Variants in ITPRID2 observed in about 807,000 individuals in gnomAD.
ITPRID2 encodes the protein ITPR interacting domain containing 2, also known as protein ITPRID2.
ITPRID2 carries 60 observed loss-of-function variants against 124.3 expected under a neutral mutation model. The observed-to-expected ratio is 0.48, with a 90% CI of 0.39 to 0.60. The LOEUF (loss-of-function observed/expected upper bound fraction) is 0.60, where lower values mean the gene tolerates loss of function less well. ITPRID2 is among the 20% of genes least tolerant of loss of function. The pLI is 0.00. For synonymous variants in ITPRID2, 521 were observed against 542.9 expected (o/e 0.96, Z 0.56); for missense variants, 1,553 against 1,512.2 (o/e 1.03, Z -0.45).
intron 16 of ITPRID2, among the ~76,000 whole-genome samples, chr2:181,927,775 A>G (rs75770388): frequency 0.01 from 1,539 of 152,332 alleles, 57 homozygotes; most frequent in East Asian, 0.071. Context: ...CAGCAATGAG[A>G]GCACTTGTGT....
intron 6 of ITPRID2, 50 bp from the exon 7 acceptor site, chr2:181,900,646 C>G: frequency 7.6e-7 from 1 of 1,317,712 alleles, no homozygotes; most frequent in Non-Finnish European, 1.1e-6. Context: ...TGTGGACTAT[C>G]AATTTATTTT....
chr2:181,907,108 G>GTAACC lies in ITPRID2; in HGVS notation c.1414-2791_1414-2790insTAACC, dbSNP rs1354842443. ...AGTCTCTTTTTAAACTTTAGAGGAA[G>GTAACC]GGTTATTTGAGTTAGAACATCCATG... On this transcript the variant is annotated intron_variant, in intron 8 of 17. Coordinates refer to ENST00000431877, the MANE Select transcript of ITPRID2 (RefSeq NM_001130445.3). The surrounding 1 kb of genome is among the most constrained non-coding windows in gnomAD (Gnocchi z 5.1). 1.3e-5 allele frequency among the ~76,000 whole-genome samples: 2 copies of GTAACC among 152,154 alleles called. No homozygotes were observed. The highest frequency in any genetic ancestry group is 2.9e-5 in the Non-Finnish European group (2 of 68,032).
In ITPRID2 at chr2:181,919,369, G is replaced by T; in HGVS notation, c.3067G>T (p.Glu1023Ter). 1 of 1,614,090 alleles carries T rather than the reference G, an allele frequency of 6.2e-7. No individual in the cohort carries two copies. The change falls in exon 14 of 18, where the codon GAG becomes TAG. Residue 1023 changes from glutamate to a stop codon, truncating the protein, a stop_gained. Coordinates refer to ENST00000431877, the MANE Select transcript of ITPRID2 (RefSeq NM_001130445.3). LOFTEE classifies it high-confidence loss of function. This position sits in a 1 kb window ranked among gnomAD's most constrained non-coding sequence, Gnocchi z 4.2. ...MELQDLELQL[E>*]ERLLGLEEQL... ...ACTTCAGGACCTGGAACTGCAGCTG[G>T]AGGAGCGCCTGCTGGGCCTGGAGGA...
chr2:181,928,028 C>G (rs1694990705), intron 16 of ITPRID2, 133 bp from the exon 17 acceptor site: 1 of 611,964 alleles, frequency 1.6e-6, no homozygotes, highest in Non-Finnish European at 2.9e-6. Context: ...CCCACTCCCT[C>G]TCTGTATTGC....
chr2:181,929,275 A>G (rs770473118), intron 17 of ITPRID2, among the ~76,000 whole-genome samples: 1 of 151,978 alleles, frequency 6.6e-6, no homozygotes, highest in Non-Finnish European at 1.5e-5. Context: ...ATATTCATTG[A>G]ATAAGACATG....
At position 181,929,884 on chromosome 2, in the gene ITPRID2, A is replaced by G. The variant is rs1320152373; in HGVS notation, c.*337A>G. The G allele has an allele frequency of 3.2e-6, 1 of 307,954 alleles. No individual in the cohort carries two copies. The highest frequency in any genetic ancestry group is 2.2e-5 in the African/African-American group (1 of 46,388). 19.1% of individuals were successfully genotyped at this position (307,954 alleles called of 1,614,324 possible). A position where few individuals can be genotyped will look rare whatever the true frequency, so the allele number is the denominator to read the frequency against. On this transcript the variant is annotated 3_prime_UTR_variant, in exon 18 of 18. Transcript: ENST00000431877. ...CAGACTTATCCAACTTATAAATAAC[A>G]TATTTCTTCAGACTAACATCTTAAA...
intron 8 of ITPRID2, among the ~76,000 whole-genome samples, chr2:181,909,124 AACT>A (rs1693396072): frequency 6.6e-6 from 1 of 152,214 alleles, no homozygotes. Context: ...ACAAAAAGAC[AACT>A]AAGTTTGATA....
In ITPRID2 at chr2:181,920,616, G is replaced by A. The variant is rs1694412926; in HGVS notation, c.3164G>A (p.Ser1055Asn). 1.9e-6 allele frequency: 3 copies of A among 1,613,358 alleles called. No homozygotes were observed. The African/African-American group carries it at 4.0e-5, about 22-fold the overall frequency. The change falls in exon 15 of 18, where the codon AGC becomes AAC. Residue 1055 changes from serine to asparagine, a missense_variant. Coordinates refer to ENST00000431877, the MANE Select transcript of ITPRID2 (RefSeq NM_001130445.3). ...SALMGMCGSR[S>N]ADNLSCPSPL... Reference sequence around the variant, plus strand: ...TTTCAGGGAATGTGTGGCAGTAGAAGCGCTGATAACTTGTCATGCCCTTCT... The same window carrying A: ...TTTCAGGGAATGTGTGGCAGTAGAAACGCTGATAACTTGTCATGCCCTTCT...
intron 2 of ITPRID2, chr2:181,893,323 C>A (rs1469004084): frequency 1.3e-5 from 2 of 152,212 alleles, no homozygotes; most frequent in Non-Finnish European, 2.9e-5. Context: ...CTGACTACAG[C>A]AAAATGTACT....
At position 181,899,044 on chromosome 2, in the gene ITPRID2, A is replaced by G; in HGVS notation, c.435A>G (p.Leu145=). 2.5e-6 allele frequency: 4 copies of G among 1,612,024 alleles called. No individual in the cohort carries two copies. The highest frequency in any genetic ancestry group is 3.4e-6 in the Non-Finnish European group (4 of 1,179,306). ...ATATCTTGGCCAAAGAGAGAAGATTACAGTTTCATCAGAAAGGGAGAAGTA... is the reference window on the plus strand; with the variant it reads ...ATATCTTGGCCAAAGAGAGAAGATTGCAGTTTCATCAGAAAGGGAGAAGTA... ...CNNILAKERR[L]QFHQKGRSMN... is the part of the protein sequence containing the mutation. The change falls in exon 6 of 18, where the codon TTA becomes TTG. Residue 145 remains leucine, a synonymous_variant. Transcript: ENST00000431877.
intron 9 of ITPRID2, 87 bp from the exon 10 acceptor site, chr2:181,913,755 TGTA>T (rs1336259636): frequency 1.2e-6 from 1 of 815,912 alleles, no homozygotes; most frequent in African/African-American, 1.7e-5. Context: ...ATCATATCTC[TGTA>T]GTAATATTGC....
In ITPRID2 at chr2:181,902,000, G is replaced by T. The variant is rs891367853; in HGVS notation, c.947G>T (p.Ser316Ile). The T allele has an allele frequency of 6.2e-7, 1 of 1,613,704 alleles. No homozygotes were observed. The highest frequency in any genetic ancestry group is 1.7e-5 in the Admixed American group (1 of 59,948). ...VDKTEKGESS[S>I]PSPSAEKGKI... ...AAAACAGAGAAAGGAGAAAGTAGTA[G>T]TCCTTCTCCATCAGCTGAAAAAGGA... The change falls in exon 8 of 18, where the codon AGT (serine) becomes ATT (isoleucine). Residue 316 changes from serine to isoleucine, a missense_variant. Physicochemically the swap from Ser to Ile is moderately radical, Grantham distance 142 (BLOSUM62 -2). Coordinates refer to ENST00000431877, the MANE Select transcript of ITPRID2 (RefSeq NM_001130445.3).
At position 181,910,036 on chromosome 2, in the gene ITPRID2, GT is replaced by G; in HGVS notation, c.1486+69del. 1 of 1,250,110 alleles carries G rather than the reference GT, an allele frequency of 8.0e-7. No homozygotes were observed. The allele number at this position is 1,250,110 out of a possible 1,614,324, so 77.4% of individuals were successfully genotyped here. On this transcript the variant is annotated intron_variant, in intron 9 of 17. Coordinates refer to ENST00000431877, the MANE Select transcript of ITPRID2 (RefSeq NM_001130445.3). This position sits in a 1 kb window ranked among gnomAD's most constrained non-coding sequence, Gnocchi z 4.1. ...AAATATTAGTTGATTTGGAAAAGGG[GT>G]TTTATGTATCAGTATTTGTAGTATT...
chr2:181,892,306 G>A lies in ITPRID2; in HGVS notation c.211+29G>A, dbSNP rs1248043522. 11 of 1,528,366 alleles carry A rather than the reference G, an allele frequency of 7.2e-6. No homozygotes were observed. The highest frequency in any genetic ancestry group is 9.7e-6 in the Non-Finnish European group (11 of 1,137,346). 94.7% of individuals were successfully genotyped at this position (1,528,366 alleles called of 1,614,324 possible). On this transcript the variant is annotated intron_variant, in intron 1 of 17. Coordinates refer to ENST00000431877, the MANE Select transcript of ITPRID2 (RefSeq NM_001130445.3). This position sits in a 1 kb window ranked among gnomAD's most constrained non-coding sequence, Gnocchi z 5.2. ...GGTGCTCCCGGCCGGGCTCCGGGGG[G>A]AGGCTGGTGGGCTGGGGAGAGTCTC...
Position 181,892,404 on chromosome 2 carries a change from T to TC in ITPRID2, c.211+129dup. On this transcript the variant is annotated intron_variant, in intron 1 of 17. Coordinates refer to ENST00000431877, the MANE Select transcript of ITPRID2 (RefSeq NM_001130445.3). The surrounding 1 kb of genome is among the most constrained non-coding windows in gnomAD (Gnocchi z 5.2). ...GTAGGCCGAGGGGAGAGGGGACACT[T>TC]CCGACCTTCAAACGCGCGCGCTGAA... The TC allele has an allele frequency of 8.1e-7, 1 of 1,231,886 alleles. No homozygotes were observed. Among genetic ancestry groups the TC allele is most frequent in the South Asian group, 1.5e-5 (1 of 68,056 alleles). The allele number at this position is 1,231,886 out of a possible 1,614,324, so 76.3% of individuals were successfully genotyped here.
intron 4 of ITPRID2, among the ~76,000 whole-genome samples, chr2:181,897,784 G>C (rs1381689969): frequency 6.6e-6 from 1 of 151,766 alleles, no homozygotes; most frequent in African/African-American, 2.4e-5. Context: ...TAATATTCTT[G>C]ATTTTTTCCT....
At chr2:181,925,856 T>A (rs1414994159) in intron 16 of ITPRID2, among the ~76,000 whole-genome samples, 1 of 152,254 alleles carries the variant, frequency 6.6e-6, no homozygotes, top group African/African-American at 2.4e-5. Context: ...GTTCTTTCTT[T>A]GTTGTGACAT....
intron 17 of ITPRID2, among the ~76,000 whole-genome samples, chr2:181,928,607 T>A (rs1382439940): frequency 1.3e-5 from 2 of 152,116 alleles, no homozygotes; most frequent in Non-Finnish European, 2.9e-5. Flanking sequence ...AGAACAAGAT[T>A]TTGTGAATTA....
At position 181,909,894 on chromosome 2, in the gene ITPRID2, T is replaced by G; in HGVS notation, c.1414-5T>G. 2 of 1,612,384 alleles carry G rather than the reference T, an allele frequency of 1.2e-6. No homozygotes were observed. Among genetic ancestry groups the G allele is most frequent in the Non-Finnish European group, 1.7e-6 (2 of 1,178,678 alleles). Reference sequence around the variant, plus strand: ...TGGTTTTAACTACTTAAAACTCTTCTTAAGGTTCAAAGTACGGAGGGAGAA... The same window carrying G: ...TGGTTTTAACTACTTAAAACTCTTCGTAAGGTTCAAAGTACGGAGGGAGAA... On this transcript the variant is annotated splice_region_variant and splice_polypyrimidine_tract_variant and intron_variant, in intron 8 of 17. Transcript: ENST00000431877.
Sources: gnomAD v4.1 joint callset for allele counts (sites outside exome capture counted in the v4.1 genomes callset) on GRCh38, gnomAD v4.1.1 for gene constraint, Gnocchi (gnomAD v3.1) non-coding constraint, MANE v1.5 for transcripts, NCBI Gene and HGNC (gene_info 2026-07-23, HGNC 2026-07-21) for gene names.